Variants in ADCY1 observed in about 807,000 individuals in gnomAD.
The protein encoded by ADCY1 is adenylate cyclase 1.
In ADCY1, 28 loss-of-function variants were observed where a neutral mutation model predicts 105.4. That is an observed-to-expected ratio of 0.27 (90% CI 0.20 to 0.36). ADCY1 has a LOEUF of 0.36. Among genes scored for constraint, ADCY1 ranks in the 10% least tolerant of loss-of-function variants. ADCY1 has a pLI of 1.00. For synonymous variants in ADCY1, 655 were observed against 623.8 expected, an observed-to-expected ratio of 1.05 and a Z score of -0.75; for missense variants, 977 against 1,434.2, an observed-to-expected ratio of 0.68 and a Z score of 5.15.
intron 6 of ADCY1, among the ~76,000 whole-genome samples, chr7:45,659,637 C>A (rs1001035428): frequency 2.6e-5 from 4 of 152,226 alleles, no homozygotes; most frequent in Admixed American, 2.6e-4. Flanking sequence ...TCTGCCCACT[C>A]CTTGTGCTGA....
rs752722799 is a variant in ADCY1, at chr7:45,684,154, AT to A, written c.1984-824del. On this transcript the variant is annotated intron_variant, in intron 11 of 19. Coordinates refer to ENST00000297323, the MANE Select transcript of ADCY1 (RefSeq NM_021116.4). ...GACCACTGGGTTGGTGAAATACCCA[AT>A]GGTATCTTGGGACTTGGGAAACCTA... Among the ~76,000 whole-genome samples the A allele has an allele frequency of 8.5e-5, 13 of 152,348 alleles. No homozygotes were observed. The East Asian group carries it at 2.5e-3, about 29-fold the overall frequency.
intron 12 of ADCY1, 57 bp downstream of exon 12, chr7:45,685,125 A>C: frequency 1.3e-6 from 2 of 1,493,330 alleles, no homozygotes; most frequent in Non-Finnish European, 1.9e-6. Flanking sequence ...GGCATGGAGG[A>C]CCAGCCCAGA....
rs186806718 is a variant in ADCY1 at position 45,587,368 on chromosome 7, G to T, written c.640-5391G>T. 2.0e-5 allele frequency among the ~76,000 whole-genome samples: 3 copies of T among 152,332 alleles called. No individual in the cohort carries two copies. The East Asian group carries it at 5.8e-4, about 29-fold the overall frequency. ...GGAGGTGGCGCTCCATCCAGAATCT[G>T]GGATGATGGGAGGGTCTGCCTCACG... On this transcript the variant is annotated intron_variant, in intron 1 of 19. Coordinates refer to ENST00000297323, the MANE Select transcript of ADCY1 (RefSeq NM_021116.4).
rs546858030 is a variant in ADCY1 at position 45,681,535 on chromosome 7, G to A, written c.1983+1742G>A. ...TGGGAGTGCCATCAGTGGTGCTTGC[G>A]GCTGTTGTGGAAGAAGCAGAGTGGA... On this transcript the variant is annotated intron_variant, in intron 11 of 19. Coordinates refer to ENST00000297323, the MANE Select transcript of ADCY1 (RefSeq NM_021116.4). Among the ~76,000 whole-genome samples the A allele has an allele frequency of 2.6e-5, 4 of 152,314 alleles. No homozygotes were observed. The South Asian group carries it at 6.2e-4, about 24-fold the overall frequency.
intron 2 of ADCY1, 37 bp from the exon 3 acceptor site, chr7:45,610,342 C>T (rs907839726): frequency 1.9e-6 from 3 of 1,574,502 alleles, no homozygotes; most frequent in Non-Finnish European, 1.7e-6. Flanking sequence ...AGGGAGGGGG[C>T]CCTGCTGTCT....
chr7:45,627,774 G>A (rs1584283144), intron 4 of ADCY1, among the ~76,000 whole-genome samples: 1 of 152,294 alleles, frequency 6.6e-6, no homozygotes, highest in East Asian at 1.9e-4. Context: ...TCAACTATCT[G>A]TGCATGATGG....
At chr7:45,607,428 A>C (rs1482797435) in intron 2 of ADCY1, among the ~76,000 whole-genome samples, 1 of 152,200 alleles carries the variant, frequency 6.6e-6, no homozygotes, top group Non-Finnish European at 1.5e-5. Flanking sequence ...GAAGAGGGAC[A>C]AGCTGTTTTG....
At chr7:45,592,552 C>T (rs142493937) in intron 1 of ADCY1, among the ~76,000 whole-genome samples, 1 of 152,326 alleles carries the variant, frequency 6.6e-6, no homozygotes, top group African/African-American at 2.4e-5. Flanking sequence ...ACTCCTCATC[C>T]CCTGACATGC....
chr7:45,648,370 A>G (rs566679833), intron 4 of ADCY1, among the ~76,000 whole-genome samples: 4 of 152,358 alleles, frequency 2.6e-5, no homozygotes, highest in Non-Finnish European at 4.4e-5. Context: ...CGGACCTTGA[A>G]TGATCATCCT....
At chr7:45,603,317 A>G (rs1793288531) in intron 2 of ADCY1, among the ~76,000 whole-genome samples, 1 of 152,232 alleles carries the variant, frequency 6.6e-6, no homozygotes, top group Non-Finnish European at 1.5e-5. Context: ...TTTTGGATAA[A>G]TACCTAGGAG....
intron 4 of ADCY1, among the ~76,000 whole-genome samples, chr7:45,642,183 CAG>C (rs1415657324): frequency 6.6e-6 from 1 of 152,036 alleles, no homozygotes; most frequent in Non-Finnish European, 1.5e-5. Flanking sequence ...AGGAAGGAGA[CAG>C]TGTGGCCTTG....
chr7:45,581,508 C>G (rs1792542766), intron 1 of ADCY1, among the ~76,000 whole-genome samples: 2 of 152,212 alleles, frequency 1.3e-5, no homozygotes, highest in Non-Finnish European at 2.9e-5. Flanking sequence ...GGCCATGTGT[C>G]CGCAGTGGAG....
chr7:45,661,987 G>A, intron 7 of ADCY1, 72 bp from the exon 8 acceptor site: 3 of 1,539,892 alleles, frequency 1.9e-6, no homozygotes, highest in Non-Finnish European at 1.8e-6. Flanking sequence ...TGTCAGGATG[G>A]CATTCCCAGT....
chr7:45,592,715 G>T (rs1336194161), intron 1 of ADCY1, 44 bp from the exon 2 acceptor site: 2 of 1,612,526 alleles, frequency 1.2e-6, no homozygotes, highest in Admixed American at 3.3e-5. Context: ...CTTTGTGTGT[G>T]TGGGATGTCA....
At chr7:45,707,729 T>C (rs759519609) in intron 17 of ADCY1, among the ~76,000 whole-genome samples, 2 of 152,236 alleles carry the variant, frequency 1.3e-5, no homozygotes, top group Admixed American at 6.5e-5. Context: ...TTAGGTAAGA[T>C]GTTAACAATA....
At chr7:45,622,493 T>G in intron 3 of ADCY1, 139 bp from the exon 4 acceptor site, 1 of 648,340 alleles carries the variant, frequency 1.5e-6, no homozygotes, top group Non-Finnish European at 2.7e-6. Flanking sequence ...CCAGGAAGCC[T>G]TCATTTCTGG....
chr7:45,711,607 GTATATATATATATA>G (rs71030888), intron 19 of ADCY1, among the ~76,000 whole-genome samples: 103 of 70,780 alleles, frequency 1.5e-3, no homozygotes, highest in African/African-American at 3.4e-3. Flanking sequence ...ACTTCGTGCT[GTATATATATATATA>G]TATATATATA....
chr7:45,674,533 C>G (rs942822829), intron 8 of ADCY1, among the ~76,000 whole-genome samples: 3 of 152,100 alleles, frequency 2.0e-5, no homozygotes, highest in Non-Finnish European at 4.4e-5. Flanking sequence ...GCCACCACGC[C>G]CTGCTAATTT....
chr7:45,698,067 T>C (rs569197090), intron 14 of ADCY1, among the ~76,000 whole-genome samples: 48 of 152,288 alleles, frequency 3.2e-4, no homozygotes, highest in African/African-American at 1.0e-3. Flanking sequence ...GGTCTGCCTT[T>C]TTATTTCTTG....
Sources: gnomAD v4.1 joint callset for allele counts (sites outside exome capture counted in the v4.1 genomes callset) on GRCh38, gnomAD v4.1.1 for gene constraint, MANE v1.5 for transcripts, NCBI Gene and HGNC (gene_info 2026-07-23, HGNC 2026-07-21) for gene names.